The following SMG6 variants were observed in gnomAD, a reference collection of about 807,000 sequenced individuals.
The protein encoded by SMG6 is SMG6 nonsense mediated mRNA decay factor.
Under a neutral mutation model 142.2 loss-of-function variants are expected in SMG6, and 66 were observed. The observed-to-expected ratio is 0.46, with a 90% CI of 0.38 to 0.57. The LOEUF is 0.57. Among genes scored for constraint, SMG6 ranks in the 20% least tolerant of loss-of-function variants. The probability of loss-of-function intolerance (pLI) is 0.00; values close to 1 mark genes in which losing one functional copy is unlikely to be tolerated. For synonymous variants in SMG6, 779 were observed against 702.4 expected (o/e 1.11, Z -1.72); for missense variants, 1,793 against 1,832.0 (o/e 0.98, Z 0.39).
At chr17:2,092,802 G>A (rs938961986) in intron 13 of SMG6, among the ~76,000 whole-genome samples, 10 of 152,232 alleles carry the variant, frequency 6.6e-5, no homozygotes, top group African/African-American at 1.9e-4. Context: ...TTACACAGAC[G>A]TGAGTTCAAG....
chr17:2,114,078 G>A (rs1232999483), intron 13 of SMG6, among the ~76,000 whole-genome samples: 1 of 152,102 alleles, frequency 6.6e-6, no homozygotes, highest in African/African-American at 2.4e-5. Context: ...GACCAGCCTG[G>A]CCAACATGGC....
intron 13 of SMG6, among the ~76,000 whole-genome samples, chr17:2,096,972 C>A (rs1490679473): frequency 6.6e-6 from 1 of 152,136 alleles, no homozygotes; most frequent in Non-Finnish European, 1.5e-5. Flanking sequence ...AAAGTGAATT[C>A]TTTTGTCCTT....
In SMG6 at chr17:2,299,849, C is replaced by T. The variant is rs1421763282; in HGVS notation, c.904G>A (p.Asp302Asn). ...TCAATTCTGTCCTCGTCTAAGGAAT[C>T]GGTTGAGGACACAGACACTTGCTTC... ...LKKQVSVSST[D>N]SLDEDRIDEP... The change falls in exon 2 of 19, where the codon GAT becomes AAT. Residue 302 changes from aspartate (D) to asparagine (N), a missense_variant. Around this residue, in one of 3 missense-constraint regions of SMG6, gnomAD observed 1,597 missense variants for 1,584.6 expected, o/e 1.01. Coordinates refer to ENST00000263073, the MANE Select transcript of SMG6 (RefSeq NM_017575.5). The surrounding 1 kb of genome is among the most constrained non-coding windows in gnomAD (Gnocchi z 4.3). 1.9e-6 allele frequency: 3 copies of T among 1,614,024 alleles called. No individual in the cohort carries two copies. Among genetic ancestry groups the T allele is most frequent in the Middle Eastern group, 1.6e-4 (1 of 6,082 alleles).
intron 12 of SMG6, among the ~76,000 whole-genome samples, chr17:2,182,657 T>C (rs966882727): frequency 2.0e-5 from 3 of 152,108 alleles, no homozygotes; most frequent in African/African-American, 7.2e-5. Flanking sequence ...GGTCCCCAAG[T>C]CAAACAAGCT....
intron 10 of SMG6, among the ~76,000 whole-genome samples, chr17:2,227,564 C>T (rs1451017129): frequency 2.6e-5 from 4 of 152,124 alleles, no homozygotes; most frequent in Non-Finnish European, 5.9e-5. Flanking sequence ...TAAGCAGTCG[C>T]CTAGGGCAAG....
At chr17:2,279,824 T>A (rs1392584817) in intron 8 of SMG6, among the ~76,000 whole-genome samples, 1 of 152,100 alleles carries the variant, frequency 6.6e-6, no homozygotes, top group African/African-American at 2.4e-5. Flanking sequence ...GAAGCCTCCA[T>A]GCCTCATCCA....
At chr17:2,081,749 C>T (rs1162365527) in intron 15 of SMG6, 61 bp downstream of exon 15, 1 of 1,590,470 alleles carries the variant, frequency 6.3e-7, no homozygotes, top group South Asian at 1.1e-5. Context: ...CTGCCCACAT[C>T]CTCTCATGCC....
Position 2,097,099 on chromosome 17 carries a change from G to A in SMG6, c.3358-11198C>T, listed in dbSNP as rs567896322. Among the ~76,000 whole-genome samples, 5 of 152,172 alleles carry A rather than the reference G, an allele frequency of 3.3e-5. No individual in the cohort carries two copies. In the South Asian group the frequency reaches 8.3e-4, roughly 25 times the overall value. ...GGTGGAGAGGACTCAAGGCCCTGGA[G>A]TAGTTTTTAAAATCAATCATTACTT... is the stretch of plus-strand genomic sequence containing the variant. On this transcript the variant is annotated intron_variant, in intron 13 of 18. Transcript: ENST00000263073.
intron 8 of SMG6, among the ~76,000 whole-genome samples, chr17:2,247,755 C>T (rs1427978316): frequency 4.0e-5 from 6 of 151,774 alleles, no homozygotes; most frequent in Admixed American, 3.9e-4. Flanking sequence ...TGCACCCCAG[C>T]CTAGGGGACA....
intron 13 of SMG6, among the ~76,000 whole-genome samples, chr17:2,171,359 G>GTA (rs1223988190): frequency 1.9e-5 from 1 of 52,802 alleles, no homozygotes; most frequent in Non-Finnish European, 4.2e-5. Flanking sequence ...ATGAAAGAGT[G>GTA]TGTGTGTGTG....
rs2067915592 is a variant in SMG6, at chr17:2,065,498, G to A, written c.4017C>T (p.Ala1339=). The A allele has an allele frequency of 1.9e-6, 3 of 1,613,384 alleles. No individual in the cohort carries two copies. Among genetic ancestry groups the A allele is most frequent in the Non-Finnish European group, 2.5e-6 (3 of 1,179,998 alleles). ...TSRGNELESI[A]FRSEDITGQL... Reference sequence around the variant, plus strand: ...GGCCAGTGATGTCCTCACTGCGGAAGGCGATGGATTCGAGTTCATTGCCAC... The same window carrying A: ...GGCCAGTGATGTCCTCACTGCGGAAAGCGATGGATTCGAGTTCATTGCCAC... Residue 1339 remains alanine, a synonymous_variant, in exon 17 of 19, where the codon GCC becomes GCT. Transcript: ENST00000263073.
At chr17:2,086,251 G>A (rs1210994108) in intron 13 of SMG6, among the ~76,000 whole-genome samples, 2 of 152,218 alleles carry the variant, frequency 1.3e-5, no homozygotes, top group Non-Finnish European at 2.9e-5. Context: ...AACCAGCAGA[G>A]GGAAGAGTGG....
chr17:2,096,216 T>C (rs571722100), intron 13 of SMG6, among the ~76,000 whole-genome samples: 88 of 152,192 alleles, frequency 5.8e-4, no homozygotes, highest in Non-Finnish European at 9.3e-4. Context: ...CAAATAATTA[T>C]TTATTGAGAC....
intron 1 of SMG6, among the ~76,000 whole-genome samples, chr17:2,301,188 G>A: frequency 6.6e-6 from 1 of 152,084 alleles, no homozygotes; most frequent in East Asian, 1.9e-4. Context: ...ATCAGTCCTG[G>A]ACATCTCTGG....
At chr17:2,150,560 C>T (rs188350540) in intron 13 of SMG6, among the ~76,000 whole-genome samples, 21 of 151,762 alleles carry the variant, frequency 1.4e-4, no homozygotes, top group Admixed American at 6.6e-4. Context: ...AGCTATGCCC[C>T]ATGTCATCAG....
chr17:2,206,957 A>G (rs1009741893), intron 10 of SMG6, among the ~76,000 whole-genome samples: 1 of 151,800 alleles, frequency 6.6e-6, no homozygotes, highest in African/African-American at 2.4e-5. Context: ...TATTTTTTAA[A>G]AAGATCTATA....
In SMG6 at chr17:2,065,167, G is replaced by A. The variant is rs781648665; in HGVS notation, c.4048-13C>T. 6.2e-6 allele frequency: 10 copies of A among 1,606,492 alleles called. No homozygotes were observed. The highest frequency in any genetic ancestry group is 5.0e-5 in the Admixed American group (3 of 59,904). On this transcript the variant is annotated splice_polypyrimidine_tract_variant and intron_variant, in intron 17 of 18. Coordinates refer to ENST00000263073, the MANE Select transcript of SMG6 (RefSeq NM_017575.5). ...CATCGTTGTTACCCTGGAGGAAGAC[G>A]TGTGTGAGAAGCACCACTGGGCAGA...
intron 13 of SMG6, among the ~76,000 whole-genome samples, chr17:2,091,350 G>C (rs16951881): frequency 0.085 from 13,013 of 152,278 alleles, 1,213 homozygotes; most frequent in African/African-American, 0.24. Context: ...TGCACAGTCA[G>C]TCTGAAGACA....
chr17:2,231,613 C>T (rs966774526), intron 10 of SMG6, among the ~76,000 whole-genome samples: 1 of 152,252 alleles, frequency 6.6e-6, no homozygotes, highest in Non-Finnish European at 1.5e-5. Context: ...AGGAGAACTG[C>T]TTGAACCCGG....
Sources: gnomAD v4.1 joint callset for allele counts (sites outside exome capture counted in the v4.1 genomes callset) on GRCh38, gnomAD v4.1.1 for gene constraint, gnomAD v4.1.1 regional missense constraint, Gnocchi (gnomAD v3.1) non-coding constraint, MANE v1.5 for transcripts, NCBI Gene and HGNC (gene_info 2026-07-23, HGNC 2026-07-21) for gene names.